The following PRKCG variants were observed in gnomAD, a reference collection of about 807,000 sequenced individuals.
PRKCG encodes the protein protein kinase C gamma.
Under a neutral mutation model 82.0 loss-of-function variants are expected in PRKCG, and 28 were observed. The ratio of observed to expected loss-of-function variants is 0.34; its 90% CI spans 0.25 to 0.47. The LOEUF (loss-of-function observed/expected upper bound fraction) is 0.47, where lower values mean the gene tolerates loss of function less well. Among genes scored for constraint, PRKCG ranks in the 20% least tolerant of loss-of-function variants. The pLI, the probability that PRKCG is intolerant of heterozygous loss-of-function variation, is 1.00. For synonymous variants in PRKCG, 383 were observed against 376.6 expected (o/e 1.02, Z -0.20); for missense variants, 640 against 952.7 (o/e 0.67, Z 4.32).
In PRKCG at chr19:53,889,863, C is replaced by G. The variant is rs371371194; in HGVS notation, c.398-23C>G. 4.5e-6 allele frequency: 7 copies of G among 1,572,792 alleles called. No homozygotes were observed. Among genetic ancestry groups the G allele is most frequent in the Non-Finnish European group, 6.0e-6 (7 of 1,159,904 alleles). On this transcript the variant is annotated intron_variant, in intron 4 of 17. Coordinates refer to ENST00000263431, the MANE Select transcript of PRKCG (RefSeq NM_002739.5). The surrounding 1 kb of genome is among the most constrained non-coding windows in gnomAD (Gnocchi z 4.4). Reference sequence around the variant, plus strand: ...TGGCTTGGGGGCGGGGCCTGAGGTGCTACCCGCAGCTTTCCCCTCCAGGCT... The same window carrying G: ...TGGCTTGGGGGCGGGGCCTGAGGTGGTACCCGCAGCTTTCCCCTCCAGGCT...
chr19:53,885,930 T>G (rs1198508059), intron 3 of PRKCG, among the ~76,000 whole-genome samples: 1 of 150,598 alleles, frequency 6.6e-6, no homozygotes, highest in Non-Finnish European at 1.5e-5. Flanking sequence ...TTTTTTTTTT[T>G]GTTTTTTGCC....
chr19:53,898,236 G>A, intron 10 of PRKCG, 125 bp downstream of exon 10: 1 of 1,443,372 alleles, frequency 6.9e-7, no homozygotes, highest in Non-Finnish European at 9.5e-7. Context: ...TGGTTAGGTT[G>A]GGCCGTTCAG....
At chr19:53,895,514 C>G (rs1053493865) in intron 9 of PRKCG, among the ~76,000 whole-genome samples, 5 of 145,138 alleles carry the variant, frequency 3.4e-5, no homozygotes, top group Admixed American at 2.1e-4. Flanking sequence ...AAAAAGAAGA[C>G]AAGAATCTTC....
intron 9 of PRKCG, among the ~76,000 whole-genome samples, chr19:53,893,748 A>T (rs574470934): frequency 1.1e-4 from 16 of 151,368 alleles, no homozygotes; most frequent in African/African-American, 2.4e-4. Flanking sequence ...GTTTTTTAAA[A>T]TTTTTTAATT....
chr19:53,893,137 CT>C, intron 8 of PRKCG, 62 bp downstream of exon 8: 1 of 1,510,030 alleles, frequency 6.6e-7, no homozygotes, highest in Non-Finnish European at 9.1e-7. Context: ...CAGAGCTGGC[CT>C]TTCCTTCCAC....
chr19:53,906,075 CCTCCTCCTCCTTCTTCTTCTT>C (rs1386735327), intron 16 of PRKCG, among the ~76,000 whole-genome samples: 2 of 47,836 alleles, frequency 4.2e-5, no homozygotes, highest in Non-Finnish European at 7.0e-5. Context: ...TCCTCCTCCT[CCTCCTCCTCCTTCTTCTTCTT>C]CTTCTTCTTC....
At chr19:53,891,315 C>T (rs1293736598) in intron 5 of PRKCG, among the ~76,000 whole-genome samples, 2 of 146,572 alleles carry the variant, frequency 1.4e-5, no homozygotes, top group Admixed American at 6.8e-5. Flanking sequence ...CTCGCTGTGA[C>T]GCCCAGGCTG....
At chr19:53,904,345 G>A (rs919164847) in intron 15 of PRKCG, among the ~76,000 whole-genome samples, 7 of 150,590 alleles carry the variant, frequency 4.6e-5, no homozygotes, top group African/African-American at 1.7e-4. Flanking sequence ...CTATTTAACT[G>A]ACATGTTGCA....
intron 9 of PRKCG, among the ~76,000 whole-genome samples, chr19:53,896,218 A>G (rs2068716968): frequency 6.6e-6 from 1 of 151,918 alleles, no homozygotes; most frequent in Admixed American, 6.6e-5. Context: ...GCAAAGGCCT[A>G]GAGGCAGGGA....
intron 11 of PRKCG, among the ~76,000 whole-genome samples, chr19:53,899,352 A>G (rs1386096405): frequency 6.6e-6 from 1 of 152,120 alleles, no homozygotes; most frequent in Non-Finnish European, 1.5e-5. Context: ...GGCACAGTGG[A>G]GGAGGGTGCC....
At chr19:53,896,376 G>GATGATT (rs2068717977) in intron 9 of PRKCG, among the ~76,000 whole-genome samples, 1 of 141,956 alleles carries the variant, frequency 7.0e-6, no homozygotes, top group Non-Finnish European at 1.5e-5. Context: ...AAACAGCCCT[G>GATGATT]ATTATTATTA....
At chr19:53,905,749 C>T (rs1484839104) in intron 16 of PRKCG, among the ~76,000 whole-genome samples, 1 of 124,682 alleles carries the variant, frequency 8.0e-6, no homozygotes, top group African/African-American at 3.1e-5. Flanking sequence ...TCCCCCTACC[C>T]TTCCCTCTCC....
Position 53,906,349 on chromosome 19 carries a change from C to T in PRKCG, c.1797C>T (p.Gly599=), listed in dbSNP as rs1347896620. The T allele has an allele frequency of 6.4e-7, 1 of 1,552,198 alleles. No homozygotes were observed. Among genetic ancestry groups the T allele is most frequent in the East Asian group, 2.4e-5 (1 of 40,968 alleles). ...FLTKHPGKRL[G]SGPDGEPTIR... ...CCAAGCACCCAGGGAAGCGCCTGGG[C>T]TCAGGGCCTGATGGGGAACCTACCA... The change falls in exon 17 of 18, where the codon GGC becomes GGT. Residue 599 remains glycine (G), a synonymous_variant. Coordinates refer to ENST00000263431, the MANE Select transcript of PRKCG (RefSeq NM_002739.5).
chr19:53,906,196 CG>C, intron 16 of PRKCG, 120 bp from the exon 17 acceptor site: 1 of 1,319,774 alleles, frequency 7.6e-7, no homozygotes, highest in South Asian at 1.3e-5. Context: ...CTTATCTCTC[CG>C]GATCTCATGC....
chr19:53,886,433 C>T (rs1306601251), intron 3 of PRKCG, among the ~76,000 whole-genome samples: 2 of 151,042 alleles, frequency 1.3e-5, no homozygotes, highest in Non-Finnish European at 2.9e-5. Flanking sequence ...GACAGGGTCC[C>T]ACTCTGTCAC....
At chr19:53,903,404 A>G (rs1184780383) in intron 15 of PRKCG, among the ~76,000 whole-genome samples, 1 of 152,220 alleles carries the variant, frequency 6.6e-6, no homozygotes, top group Non-Finnish European at 1.5e-5. Context: ...CCTTCTCAGA[A>G]GAATGTTTTT....
chr19:53,882,538 C>G lies in PRKCG; in HGVS notation c.44C>G (p.Pro15Arg). ...GGCGTAGGCGATTCAGAGGGGGGAC[C>G]CCGGCCCCTGTTTTGCAGAAAGGGG... ...GPGVGDSEGG[P>R]RPLFCRKGAL... is the part of the protein sequence containing the mutation. The change falls in exon 1 of 18, where the codon CCC (proline) becomes CGC (arginine). Residue 15 changes from proline to arginine, a missense_variant. Transcript: ENST00000263431. The surrounding 1 kb of genome is among the most constrained non-coding windows in gnomAD (Gnocchi z 6.1). 1 of 1,614,168 alleles carries G rather than the reference C, an allele frequency of 6.2e-7. No individual in the cohort carries two copies. Among genetic ancestry groups the G allele is most frequent in the Non-Finnish European group, 8.5e-7 (1 of 1,180,014 alleles).
rs1237496930 is a variant in PRKCG, at chr19:53,889,155, G to C, written c.286-483G>C. Among the ~76,000 whole-genome samples the C allele has an allele frequency of 6.6e-6, 1 of 152,012 alleles. No homozygotes were observed. The highest frequency in any genetic ancestry group is 2.4e-5 in the African/African-American group (1 of 41,374). ...TTTAGTAGAGACAGAGTTTTGCCAT[G>C]TTGCCTAGCCTGGTCCGGAACTCCT... On this transcript the variant is annotated intron_variant, in intron 3 of 17. Coordinates refer to ENST00000263431, the MANE Select transcript of PRKCG (RefSeq NM_002739.5). The surrounding 1 kb of genome is among the most constrained non-coding windows in gnomAD (Gnocchi z 4.4).
chr19:53,900,158 C>A lies in PRKCG; in HGVS notation c.1282-75C>A. 7.1e-7 allele frequency: 1 copy of A among 1,407,466 alleles called. No individual in the cohort carries two copies. Among genetic ancestry groups the A allele is most frequent in the South Asian group, 1.2e-5 (1 of 86,848 alleles). The allele number at this position is 1,407,466 out of a possible 1,614,324, so 87.2% of individuals were successfully genotyped here. On this transcript the variant is annotated intron_variant, in intron 11 of 17. Coordinates refer to ENST00000263431, the MANE Select transcript of PRKCG (RefSeq NM_002739.5). This position sits in a 1 kb window ranked among gnomAD's most constrained non-coding sequence, Gnocchi z 4.2. The stretch of plus-strand genomic sequence containing the variant: ...GCATCTGGAACCTTCCACGTCTGTC[C>A]TGAGTGATCAGGAAAGAAATTCTCC...
Sources: gnomAD v4.1 joint callset for allele counts (sites outside exome capture counted in the v4.1 genomes callset) on GRCh38, gnomAD v4.1.1 for gene constraint, Gnocchi (gnomAD v3.1) non-coding constraint, MANE v1.5 for transcripts, NCBI Gene and HGNC (gene_info 2026-07-23, HGNC 2026-07-21) for gene names.